Variants in SH3BGRL2 observed in about 807,000 individuals in gnomAD.
SH3BGRL2 encodes the protein SH3 domain binding glutamate rich protein like 2, also known as SH3 domain-binding glutamic acid-rich-like protein 2.
SH3BGRL2 carries 21 observed loss-of-function variants against 14.8 expected under a neutral mutation model. The observed-to-expected ratio is 1.42, with a 90% confidence interval of 1.01 to 2.05. SH3BGRL2 has a LOEUF of 2.05. SH3BGRL2 is among the 30% of genes most tolerant of loss of function. SH3BGRL2 has a pLI of 0.00. For missense variants in SH3BGRL2, 147 were observed against 130.8 expected (o/e 1.12, Z -0.61); for synonymous variants, 50 against 47.8 (o/e 1.05, Z -0.19).
At chr6:79,600,161 C>G in the SH3BGRL2 span, among the ~76,000 whole-genome samples, 5 of 152,192 alleles carry the variant, frequency 3.3e-5, no homozygotes, top group Non-Finnish European at 7.3e-5. Context: ...AAATCCCTAG[C>G]AAGTCTTTGT....
intron 1 of SH3BGRL2, among the ~76,000 whole-genome samples, chr6:79,656,907 A>G (rs1185771667): frequency 6.6e-6 from 1 of 152,186 alleles, no homozygotes; most frequent in Non-Finnish European, 1.5e-5. Flanking sequence ...TGCAGTAACT[A>G]TATATTAAAA....
intron 2 of SH3BGRL2, among the ~76,000 whole-genome samples, chr6:79,675,065 G>A (rs1332579727): frequency 1.3e-5 from 2 of 152,090 alleles, no homozygotes; most frequent in African/African-American, 4.8e-5. Context: ...ATGTACTCTT[G>A]TGCCTGCAGA....
chr6:79,542,682 G>T, the SH3BGRL2 span, among the ~76,000 whole-genome samples: 2 of 152,224 alleles, frequency 1.3e-5, no homozygotes, highest in East Asian at 3.9e-4. Context: ...TTAGGGAGAG[G>T]TTGGAAGGTG....
At chr6:79,540,683 A>G in the SH3BGRL2 span, among the ~76,000 whole-genome samples, 3 of 152,138 alleles carry the variant, frequency 2.0e-5, no homozygotes, top group African/African-American at 7.2e-5. Context: ...AAAAATGTGT[A>G]TATACTTACA....
intron 1 of SH3BGRL2, among the ~76,000 whole-genome samples, chr6:79,651,447 A>G (rs998776642): frequency 3.3e-5 from 5 of 152,182 alleles, no homozygotes; most frequent in African/African-American, 1.2e-4. Flanking sequence ...GTAAAATCCA[A>G]CCACCCTCAT....
chr6:79,693,585 C>G (rs894775535), intron 2 of SH3BGRL2, among the ~76,000 whole-genome samples: 2 of 151,884 alleles, frequency 1.3e-5, no homozygotes, highest in Non-Finnish European at 2.9e-5. Context: ...TGAATTTTGT[C>G]AAAGGCCTTT....
chr6:79,686,551 A>T (rs1247057364), intron 2 of SH3BGRL2, among the ~76,000 whole-genome samples: 1 of 151,728 alleles, frequency 6.6e-6, no homozygotes, highest in Non-Finnish European at 1.5e-5. Flanking sequence ...TCTACTTTCT[A>T]ATTTGGCAGT....
chr6:79,687,439 A>G (rs1276087211), intron 2 of SH3BGRL2, among the ~76,000 whole-genome samples: 1 of 152,132 alleles, frequency 6.6e-6, no homozygotes, highest in African/African-American at 2.4e-5. Context: ...GAACTATTAA[A>G]CATGAATTAG....
At chr6:79,645,883 TG>T (rs1769133641) in intron 1 of SH3BGRL2, among the ~76,000 whole-genome samples, 1 of 152,182 alleles carries the variant, frequency 6.6e-6, no homozygotes, top group African/African-American at 2.4e-5. Context: ...GCTAGCATGG[TG>T]TCAGCCTCTA....
intron 1 of SH3BGRL2, 46 bp from the exon 2 acceptor site, chr6:79,673,568 G>A: frequency 1.9e-6 from 3 of 1,573,620 alleles, no homozygotes; most frequent in Non-Finnish European, 2.6e-6. Context: ...TATACATACT[G>A]TTTCAGATAA....
intron 2 of SH3BGRL2, among the ~76,000 whole-genome samples, chr6:79,683,442 T>C (rs561375680): frequency 6.6e-6 from 1 of 152,204 alleles, no homozygotes; most frequent in African/African-American, 2.4e-5. Flanking sequence ...TTTTCCAACC[T>C]TTAGAAATGT....
chr6:79,632,846 G>A (rs1051235717), intron 1 of SH3BGRL2, among the ~76,000 whole-genome samples: 1 of 152,342 alleles, frequency 6.6e-6, no homozygotes, highest in Admixed American at 6.5e-5. Flanking sequence ...CTGTTTCAAG[G>A]GTAGATTTGT....
chr6:79,696,479 T>C lies in SH3BGRL2; in HGVS notation c.232-6T>C. 6.4e-7 allele frequency: 1 copy of C among 1,567,832 alleles called. No homozygotes were observed. Among genetic ancestry groups the C allele is most frequent in the Non-Finnish European group, 8.6e-7 (1 of 1,165,122 alleles). On this transcript the variant is annotated splice_region_variant and splice_polypyrimidine_tract_variant and intron_variant, in intron 2 of 3. Coordinates refer to ENST00000369838, the MANE Select transcript of SH3BGRL2 (RefSeq NM_031469.4). Reference sequence around the variant, plus strand: ...TGGTTTATTTTCTGCTTCCCTTTTTTTCTAGGATTATGACAGTTTTTTTGA... The same window carrying C: ...TGGTTTATTTTCTGCTTCCCTTTTTCTCTAGGATTATGACAGTTTTTTTGA...
At chr6:79,601,897 T>A in the SH3BGRL2 span, among the ~76,000 whole-genome samples, 1 of 151,890 alleles carries the variant, frequency 6.6e-6, no homozygotes, top group Non-Finnish European at 1.5e-5. Context: ...AATATGCAAC[T>A]ACAATAGTAA....
intron 2 of SH3BGRL2, among the ~76,000 whole-genome samples, chr6:79,690,789 C>T (rs959422815): frequency 2.0e-5 from 3 of 152,104 alleles, no homozygotes; most frequent in African/African-American, 7.2e-5. Context: ...TGGTGGCTCA[C>T]GCCTGTCATC....
At chr6:79,641,464 G>A (rs1334359287) in intron 1 of SH3BGRL2, among the ~76,000 whole-genome samples, 2 of 152,120 alleles carry the variant, frequency 1.3e-5, no homozygotes, top group Non-Finnish European at 1.5e-5. Context: ...CCTGGCTATG[G>A]CAATCTATCA....
intron 1 of SH3BGRL2, among the ~76,000 whole-genome samples, chr6:79,669,941 T>A (rs978820689): frequency 4.6e-5 from 7 of 152,308 alleles, no homozygotes; most frequent in Admixed American, 2.0e-4. Context: ...GAAGTGAAGA[T>A]CTGTGATCTA....
intron 1 of SH3BGRL2, among the ~76,000 whole-genome samples, chr6:79,649,433 T>A (rs1033173292): frequency 1.3e-5 from 2 of 152,192 alleles, no homozygotes; most frequent in African/African-American, 4.8e-5. Flanking sequence ...ATAATAAATT[T>A]GTGTTTGGCA....
At chr6:79,657,552 A>C (rs867868598) in intron 1 of SH3BGRL2, among the ~76,000 whole-genome samples, 3 of 152,182 alleles carry the variant, frequency 2.0e-5, no homozygotes, top group Non-Finnish European at 2.9e-5. Flanking sequence ...TTAAAACTTA[A>C]ACATAGTTTT....
Sources: allele counts gnomAD v4.1 joint callset (sites outside exome capture counted in the v4.1 genomes callset), GRCh38; gene constraint gnomAD v4.1.1; transcripts MANE v1.5; gene names NCBI Gene and HGNC (gene_info 2026-07-23, HGNC 2026-07-21).